ATRX: variants seen among roughly 807,000 people sequenced by gnomAD.
ATRX encodes the protein chromatin remodeler ATRX.
A neutral mutation model predicts 172.6 loss-of-function variants in ATRX; 12 were observed. The observed-to-expected ratio is 0.07, with a 90% CI of 0.04 to 0.11. The LOEUF (loss-of-function observed/expected upper bound fraction) is 0.11, where lower values mean the gene tolerates loss of function less well. Ranked by LOEUF, ATRX falls within the 10% of genes least tolerant of loss-of-function variation. The pLI is 1.00. For synonymous variants in ATRX, 674 were observed against 594.7 expected (o/e 1.13, Z -1.94); for missense variants, 1,368 against 1,767.4 (o/e 0.77, Z 4.05).
At chrX:77,637,665 G>A (rs941203760) in intron 15 of ATRX, among the ~76,000 whole-genome samples, 3 of 110,512 alleles carry the variant, frequency 2.7e-5, no homozygotes, top group Non-Finnish European at 5.7e-5. Context: ...TACGCAGTTG[G>A]GCACGGTGGC....
intron 7 of ATRX, among the ~76,000 whole-genome samples, chrX:77,685,488 A>G (rs1424795355): frequency 8.9e-6 from 1 of 112,242 alleles, no homozygotes; most frequent in East Asian, 2.8e-4. Flanking sequence ...CTATAATAAG[A>G]TATCATCTCA....
At position 77,544,410 on chromosome X, in the gene ATRX, T is replaced by C. The variant is rs189575575; in HGVS notation, c.6699+13041A>G. On this transcript the variant is annotated intron_variant, in intron 30 of 34. Transcript: ENST00000373344. ...CTGATTAGCTCTATAATCTAGCTTT[T>C]CTTTTTCTTTTTTTTTATTATTATA... 7.9e-4 allele frequency among the ~76,000 whole-genome samples: 88 copies of C among 111,577 alleles called. 1 individual carries two copies. The Middle Eastern group carries it at 0.014, about 18-fold the overall frequency.
intron 34 of ATRX, among the ~76,000 whole-genome samples, chrX:77,513,233 C>T (rs1184682393): frequency 1.9e-5 from 2 of 105,167 alleles, no homozygotes; most frequent in Admixed American, 1.0e-4. Flanking sequence ...AGGAGAATGG[C>T]CTGAACCCGG....
rs6623050 is a variant in ATRX, at chrX:77,569,156, A to C, written c.6326+5094T>G. On this transcript the variant is annotated intron_variant, in intron 28 of 34. Coordinates refer to ENST00000373344, the MANE Select transcript of ATRX (RefSeq NM_000489.6). ...AAACAACCCCCCCACCCAAAAAAAC[A>C]ACCTTACAGCTAACATCATAGTTAA... Among the ~76,000 whole-genome samples the C allele has an allele frequency of 1.4e-3, 153 of 110,707 alleles. 1 individual carries two copies. The East Asian group carries it at 0.033, about 24-fold the overall frequency.
chrX:77,607,569 C>T (rs1488427043), intron 22 of ATRX, among the ~76,000 whole-genome samples: 1 of 109,089 alleles, frequency 9.2e-6, no homozygotes, highest in Non-Finnish European at 1.9e-5. Context: ...CAAAAATTAG[C>T]GGAGCATGGT....
At chrX:77,784,921 A>C (rs2076682593) in intron 1 of ATRX, among the ~76,000 whole-genome samples, 1 of 112,097 alleles carries the variant, frequency 8.9e-6, no homozygotes, top group Non-Finnish European at 1.9e-5. Flanking sequence ...CTGGACGCCA[A>C]GGATGCATCT....
At chrX:77,562,234 G>C (rs1463700945) in intron 28 of ATRX, among the ~76,000 whole-genome samples, 1 of 112,303 alleles carries the variant, frequency 8.9e-6, no homozygotes, top group African/African-American at 3.2e-5. Flanking sequence ...GTTTCTAGTT[G>C]AGGACCATTC....
chrX:77,661,419 G>T (rs1339977563), intron 12 of ATRX, among the ~76,000 whole-genome samples: 6 of 109,138 alleles, frequency 5.5e-5, no homozygotes, highest in African/African-American at 2.0e-4. Context: ...GGAGGCCGAG[G>T]TAGGTGGATA....
chrX:77,632,358 T>C (rs1480842603), intron 19 of ATRX, among the ~76,000 whole-genome samples: 2 of 111,431 alleles, frequency 1.8e-5, no homozygotes, highest in Non-Finnish European at 3.8e-5. Flanking sequence ...TACTAGACAC[T>C]AGCTTATAAT....
intron 1 of ATRX, among the ~76,000 whole-genome samples, chrX:77,767,279 G>C (rs1362706709): frequency 4.6e-5 from 5 of 109,126 alleles, no homozygotes; most frequent in African/African-American, 1.7e-4. Flanking sequence ...GAGGGGGAGA[G>C]GGGGAGAGAG....
intron 19 of ATRX, among the ~76,000 whole-genome samples, chrX:77,630,606 T>G (rs1260697779): frequency 1.8e-5 from 2 of 112,246 alleles, no homozygotes; most frequent in Admixed American, 9.5e-5. Flanking sequence ...CAATTGATTT[T>G]CAACAATGGT....
intron 19 of ATRX, among the ~76,000 whole-genome samples, chrX:77,625,251 G>A (rs1387926209): frequency 8.9e-6 from 1 of 112,627 alleles, no homozygotes; most frequent in African/African-American, 3.2e-5. Context: ...CCTCATGATG[G>A]ATTAAGGACT....
At chrX:77,627,948 C>A (rs1196941445) in intron 19 of ATRX, among the ~76,000 whole-genome samples, 1 of 111,251 alleles carries the variant, frequency 9.0e-6, no homozygotes, top group Non-Finnish European at 1.9e-5. Flanking sequence ...AACTTAATTC[C>A]CAAACAATGA....
chrX:77,751,733 T>C (rs1438060610), intron 1 of ATRX, among the ~76,000 whole-genome samples: 1 of 112,365 alleles, frequency 8.9e-6, no homozygotes, highest in African/African-American at 3.2e-5. Context: ...TTTCTGCATA[T>C]GGCTAGCCAG....
At chrX:77,631,956 T>C (rs781893932) in intron 19 of ATRX, among the ~76,000 whole-genome samples, 7 of 112,409 alleles carry the variant, frequency 6.2e-5, no homozygotes, top group African/African-American at 2.3e-4. Flanking sequence ...TCAACTTTCA[T>C]GTAAACAGAA....
intron 2 of ATRX, among the ~76,000 whole-genome samples, chrX:77,715,372 C>A (rs187306440): frequency 3.6e-4 from 40 of 111,900 alleles, no homozygotes; most frequent in Non-Finnish European, 9.4e-5. Flanking sequence ...CTATGAGCAA[C>A]AGGCTATAAC....
intron 1 of ATRX, among the ~76,000 whole-genome samples, chrX:77,733,701 T>G (rs2074399395): frequency 1.6e-5 from 1 of 62,541 alleles, no homozygotes; most frequent in African/African-American, 5.8e-5. Flanking sequence ...AAACCCCATC[T>G]ATGCTAAAAA....
intron 6 of ATRX, among the ~76,000 whole-genome samples, chrX:77,689,973 A>G (rs1434878196): frequency 8.9e-6 from 1 of 112,383 alleles, no homozygotes; most frequent in South Asian, 3.7e-4. Context: ...AACATCACAT[A>G]TATTTTTCAC....
Position 77,593,780 on chromosome X carries a change from G to T in ATRX, c.6026C>A (p.Ala2009Asp), listed in dbSNP as rs1557082359. The T allele has an allele frequency of 8.3e-7, 1 of 1,209,834 alleles. No individual in the cohort carries two copies. The highest frequency in any genetic ancestry group is 1.8e-5 in the South Asian group (1 of 56,932). ...AGAATGCTCTAAAACCTCAGCATCA[G>T]CATCTGTAACAAAATCTTTGTACCA... is the stretch of plus-strand genomic sequence containing the variant. ...PDWYKDFVTD[A>D]DAEVLEHSGK... Residue 2009 changes from alanine to aspartate, a missense_variant, in exon 26 of 35, where the codon GCT becomes GAT. Physicochemically the swap from Ala to Asp is moderately radical, Grantham distance 126. Transcript: ENST00000373344.
Sources: allele counts gnomAD v4.1 joint callset (sites outside exome capture counted in the v4.1 genomes callset), GRCh38; gene constraint gnomAD v4.1.1; transcripts MANE v1.5; gene names NCBI Gene and HGNC (gene_info 2026-07-23, HGNC 2026-07-21).